Variants in NUP93 observed in about 807,000 individuals in gnomAD.
The protein encoded by NUP93 is nucleoporin 93.
NUP93 carries 55 observed loss-of-function variants against 107.8 expected under a neutral mutation model. That is an observed-to-expected ratio of 0.51 (90% CI 0.41 to 0.64). The LOEUF is 0.64. Ranked by LOEUF, NUP93 falls within the 30% of genes least tolerant of loss-of-function variation. The pLI is 0.00. For missense variants in NUP93, 937 were observed against 1,044.7 expected (o/e 0.90, Z 1.42); for synonymous variants, 390 against 397.5 (o/e 0.98, Z 0.22).
intron 4 of NUP93, among the ~76,000 whole-genome samples, chr16:56,799,066 G>A (rs1193308668): frequency 2.6e-5 from 4 of 152,022 alleles, no homozygotes; most frequent in African/African-American, 7.3e-5. Flanking sequence ...CACTGGACTG[G>A]ACAATTAACT....
intron 8 of NUP93, among the ~76,000 whole-genome samples, chr16:56,825,760 A>G (rs1022016206): frequency 2.2e-4 from 34 of 152,158 alleles, no homozygotes; most frequent in African/African-American, 8.0e-4. Flanking sequence ...TTTCCTGTTC[A>G]TAATTGTAAT....
chr16:56,797,144 C>G (rs551179258), intron 3 of NUP93, among the ~76,000 whole-genome samples: 10 of 151,778 alleles, frequency 6.6e-5, no homozygotes, highest in Non-Finnish European at 1.3e-4. Context: ...GTGGTGCATG[C>G]TTGTAATCCC....
chr16:56,822,036 A>G (rs1395074767), intron 7 of NUP93, among the ~76,000 whole-genome samples: 1 of 142,780 alleles, frequency 7.0e-6, no homozygotes. Context: ...ACACACATAT[A>G]CTGCCTTTAT....
intron 5 of NUP93, among the ~76,000 whole-genome samples, chr16:56,811,986 G>T (rs1439282477): frequency 4.6e-5 from 7 of 151,784 alleles, no homozygotes; most frequent in African/African-American, 1.7e-4. Flanking sequence ...GTATTGTTAG[G>T]AATCAAAAAA....
In NUP93 at chr16:56,839,031, G is replaced by A. The variant is rs1963968396; in HGVS notation, c.2098G>A (p.Asp700Asn). Residue 700 changes from aspartate (D) to asparagine (N), a missense_variant, in exon 19 of 22, where the codon GAC becomes AAC. Physicochemically the swap from Asp to Asn is conservative, Grantham distance 23. Coordinates refer to ENST00000308159, the MANE Select transcript of NUP93 (RefSeq NM_014669.5). Reference protein sequence around the residue: ...YLLLDLITFFDEYHSGHIDRA... With the variant: ...YLLLDLITFFNEYHSGHIDRA... ...TCTTTTGGACTTGATCACCTTTTTT[G>A]ACGAGTATCATAGTGGTCATATTGA... 2.5e-6 allele frequency: 4 copies of A among 1,613,768 alleles called. No homozygotes were observed. The highest frequency in any genetic ancestry group is 1.1e-5 in the South Asian group (1 of 91,056).
chr16:56,822,514 C>CA (rs751717930), intron 7 of NUP93, among the ~76,000 whole-genome samples: 921 of 91,994 alleles, frequency 0.01, 17 homozygotes, highest in African/African-American at 0.032. Context: ...GGCCCTGTCT[C>CA]AAAAAAAAAA....
chr16:56,769,249 C>A lies in NUP93; in HGVS notation c.297+10594C>A, dbSNP rs546610689. On this transcript the variant is annotated intron_variant, in intron 3 of 21. Transcript: ENST00000308159. ...TAAAATAGAAGTATAATTGATCATT[C>A]ATTTAGAGCAAAATAAAGAGTAGAA... Among the ~76,000 whole-genome samples, 3 of 152,298 alleles carry A rather than the reference C, an allele frequency of 2.0e-5. No individual in the cohort carries two copies. In the East Asian group the frequency reaches 5.8e-4, roughly 29 times the overall value.
intron 3 of NUP93, among the ~76,000 whole-genome samples, chr16:56,780,966 T>G (rs1962503818): frequency 6.6e-6 from 1 of 152,176 alleles, no homozygotes; most frequent in South Asian, 2.1e-4. Context: ...TTCCTATAAT[T>G]GTACAGTTGT....
chr16:56,738,675 GGTT>G (rs1961650921), intron 1 of NUP93, among the ~76,000 whole-genome samples: 1 of 152,034 alleles, frequency 6.6e-6, no homozygotes, highest in African/African-American at 2.4e-5. Context: ...ATTTTTTTGG[GGTT>G]GTTGTTGTAA....
At chr16:56,766,430 A>T (rs1962217953) in intron 3 of NUP93, among the ~76,000 whole-genome samples, 1 of 152,196 alleles carries the variant, frequency 6.6e-6, no homozygotes, top group Non-Finnish European at 1.5e-5. Context: ...GTGATGAGAA[A>T]CATAGATTGA....
At chr16:56,783,772 T>C in intron 3 of NUP93, 2 of 985,432 alleles carry the variant, frequency 2.0e-6, no homozygotes, top group Non-Finnish European at 2.4e-6. Flanking sequence ...AGGAGCTTTG[T>C]TACTGTAAAA....
chr16:56,830,062 C>G (rs561077671), intron 9 of NUP93, among the ~76,000 whole-genome samples: 1 of 152,278 alleles, frequency 6.6e-6, no homozygotes, highest in South Asian at 2.1e-4. Flanking sequence ...TACCTGACAC[C>G]AAGATACTGA....
intron 3 of NUP93, among the ~76,000 whole-genome samples, chr16:56,760,723 G>C (rs1962110189): frequency 6.6e-6 from 1 of 152,084 alleles, no homozygotes; most frequent in Non-Finnish European, 1.5e-5. Flanking sequence ...CCAACACTGG[G>C]GATTACAGTT....
chr16:56,794,555 T>A (rs1178195716), intron 3 of NUP93, among the ~76,000 whole-genome samples: 1 of 150,748 alleles, frequency 6.6e-6, no homozygotes, highest in Non-Finnish European at 1.5e-5. Context: ...GGTCATTGCT[T>A]TGCATTTGTG....
chr16:56,844,802 T>TTTTTC lies in NUP93; in HGVS notation c.*193_*194insTTTTC, dbSNP rs1555498159. 2 of 367,600 alleles carry TTTTTC rather than the reference T, an allele frequency of 5.4e-6. No individual in the cohort carries two copies. Among genetic ancestry groups the TTTTTC allele is most frequent in the Middle Eastern group, 7.1e-4 (1 of 1,418 alleles). 22.8% of individuals were successfully genotyped at this position (367,600 alleles called of 1,614,324 possible). A position where few individuals can be genotyped will look rare whatever the true frequency, so the allele number is the denominator to read the frequency against. The stretch of plus-strand genomic sequence containing the variant: ...CATTCTTTTATTTTCTTTTTTTTTT[T>TTTTTC]CTTTGAAATTTTGTTTACATTTTTA... On this transcript the variant is annotated 3_prime_UTR_variant, in exon 22 of 22. Transcript: ENST00000308159.
At chr16:56,800,289 A>T (rs1194942020) in intron 4 of NUP93, among the ~76,000 whole-genome samples, 3 of 152,230 alleles carry the variant, frequency 2.0e-5, no homozygotes, top group Non-Finnish European at 4.4e-5. Flanking sequence ...AAATATTTTT[A>T]AAAGGGTTTT....
chr16:56,750,833 A>C (rs918633112), intron 2 of NUP93, among the ~76,000 whole-genome samples: 1 of 152,170 alleles, frequency 6.6e-6, no homozygotes, highest in South Asian at 2.1e-4. Context: ...AATAAAATGA[A>C]TGAATACCCA....
At chr16:56,819,029 C>T (rs1317268066) in intron 6 of NUP93, among the ~76,000 whole-genome samples, 2 of 152,208 alleles carry the variant, frequency 1.3e-5, no homozygotes, top group African/African-American at 2.4e-5. Flanking sequence ...CAGGTAACTG[C>T]GCTGCTTAGC....
Position 56,795,866 on chromosome 16 carries a change from C to T in NUP93, c.298-2610C>T, listed in dbSNP as rs372657739. On this transcript the variant is annotated intron_variant, in intron 3 of 21. Coordinates refer to ENST00000308159, the MANE Select transcript of NUP93 (RefSeq NM_014669.5). The stretch of plus-strand genomic sequence containing the variant: ...TTCACCATGTTGGCCAGGATGGTCT[C>T]GAACTCCTGACCTCAAGTGATCCAC... Among the ~76,000 whole-genome samples the T allele has an allele frequency of 4.1e-4, 63 of 152,096 alleles. No homozygotes were observed. The East Asian group carries it at 9.5e-3, about 23-fold the overall frequency.
Sources: allele counts gnomAD v4.1 joint callset (sites outside exome capture counted in the v4.1 genomes callset), GRCh38; gene constraint gnomAD v4.1.1; transcripts MANE v1.5; gene names NCBI Gene and HGNC (gene_info 2026-07-23, HGNC 2026-07-21).